YTHDC2: variants seen among roughly 807,000 people sequenced by gnomAD.
YTHDC2 encodes YTH N6-methyladenosine RNA binding protein C2, also known as 3'-5' RNA helicase YTHDC2.
In YTHDC2, 45 loss-of-function variants were observed where a neutral mutation model predicts 174.9. That is an observed-to-expected ratio of 0.26 (90% CI 0.20 to 0.33). YTHDC2 has a LOEUF of 0.33. YTHDC2 is among the 10% of genes least tolerant of loss of function. The pLI is 1.00. For synonymous variants in YTHDC2, 657 were observed against 574.5 expected, an observed-to-expected ratio of 1.14 and a Z score of -2.05; for missense variants, 1,650 against 1,723.7, an observed-to-expected ratio of 0.96 and a Z score of 0.76.
intron 17 of YTHDC2, among the ~76,000 whole-genome samples, chr5:113,558,250 T>C (rs1242708239): frequency 6.6e-6 from 1 of 152,200 alleles, no homozygotes; most frequent in Non-Finnish European, 1.5e-5. Flanking sequence ...TTGAGTTTTC[T>C]CTCTTTTTTA....
Position 113,560,084 on chromosome 5 carries a change from C to T in YTHDC2, c.2217-996C>T, listed in dbSNP as rs190230594. On this transcript the variant is annotated intron_variant, in intron 17 of 29. Coordinates refer to ENST00000161863, the MANE Select transcript of YTHDC2 (RefSeq NM_022828.5). The stretch of plus-strand genomic sequence containing the variant: ...GTCCTTCTCCACCACAGCAATGCTC[C>T]TGCTCATTCCTTTCATCAAACAAGG... Among the ~76,000 whole-genome samples the T allele has an allele frequency of 2.9e-3, 448 of 152,324 alleles. 1 individual carries two copies. The highest frequency in any genetic ancestry group is 3.4e-3 in the Non-Finnish European group (233 of 68,026).
intron 4 of YTHDC2, among the ~76,000 whole-genome samples, chr5:113,531,211 T>G (rs4415069): frequency 0.59 from 89,617 of 152,010 alleles, 27,790 homozygotes; most frequent in African/African-American, 0.79. Flanking sequence ...TTCTGTATGC[T>G]GGGTTCTGAC....
chr5:113,582,317 T>A (rs776666658), intron 25 of YTHDC2: 1 of 152,244 alleles, frequency 6.6e-6, no homozygotes, highest in African/African-American at 2.4e-5. Flanking sequence ...ATTTCTGTTA[T>A]AATTTAGCCA....
chr5:113,532,704 A>G (rs143854484), intron 4 of YTHDC2, among the ~76,000 whole-genome samples, 175 bp from the exon 5 acceptor site: 117 of 152,340 alleles, frequency 7.7e-4, no homozygotes, highest in African/African-American at 2.6e-3. Flanking sequence ...TGTGAGCAAG[A>G]TCTTTTCAAA....
intron 23 of YTHDC2, among the ~76,000 whole-genome samples, chr5:113,570,131 C>T (rs756715382): frequency 6.6e-6 from 1 of 152,016 alleles, no homozygotes; most frequent in Non-Finnish European, 1.5e-5. Context: ...GAGTCTTGCT[C>T]TGTCACCCAG....
chr5:113,528,523 A>G (rs1561630956), intron 4 of YTHDC2, among the ~76,000 whole-genome samples: 1 of 147,432 alleles, frequency 6.8e-6, no homozygotes, highest in Non-Finnish European at 1.5e-5. Flanking sequence ...AAGGTGGAAG[A>G]TTTTTTTTTT....
intron 23 of YTHDC2, among the ~76,000 whole-genome samples, chr5:113,569,585 A>G (rs763552821): frequency 1.2e-4 from 18 of 152,292 alleles, no homozygotes; most frequent in Non-Finnish European, 2.1e-4. Flanking sequence ...TTTCAGCACC[A>G]TTTGTTAAAT....
At chr5:113,517,461 C>A in intron 2 of YTHDC2, 1 of 434,356 alleles carries the variant, frequency 2.3e-6, no homozygotes, top group South Asian at 1.7e-5. Flanking sequence ...TCTTCAGTAG[C>A]ATAGTCATGT....
chr5:113,550,743 C>G (rs1776201219), intron 12 of YTHDC2, among the ~76,000 whole-genome samples: 1 of 151,878 alleles, frequency 6.6e-6, no homozygotes, highest in South Asian at 2.1e-4. Flanking sequence ...TCTATAAAAC[C>G]ATTTACCACC....
chr5:113,583,505 G>A (rs930308660), intron 25 of YTHDC2: 2 of 151,114 alleles, frequency 1.3e-5, no homozygotes, highest in African/African-American at 2.4e-5. Flanking sequence ...TTTTATTTTT[G>A]AGACAGTCTC....
Position 113,535,750 on chromosome 5 carries a change from G to C in YTHDC2, c.1054G>C (p.Asp352His), listed in dbSNP as rs1454414200. 6.2e-7 allele frequency: 1 copy of C among 1,613,268 alleles called. No homozygotes were observed. The highest frequency in any genetic ancestry group is 8.5e-7 in the Non-Finnish European group (1 of 1,179,714). Residue 352 changes from aspartate (D) to histidine (H), a missense_variant, in exon 7 of 30, where the codon GAT becomes CAT. Around this residue, in one of 5 missense-constraint regions of YTHDC2, gnomAD observed 411 missense variants for 380.6 expected, o/e 1.08. Transcript: ENST00000161863. ...ACTAATTCTTTCTAGTGCTGCCTTG[G>C]ATGTAAATCTCTTTATAAGATATTT... ...LKLILSSAAL[D>H]VNLFIRYFGS... is the part of the protein sequence containing the mutation.
intron 21 of YTHDC2, 46 bp from the exon 22 acceptor site, chr5:113,567,046 A>G (rs773225169): frequency 1.5e-5 from 24 of 1,557,912 alleles, no homozygotes; most frequent in Middle Eastern, 1.7e-4. Context: ...ACACAAAAGT[A>G]TCTTTTGCAC....
chr5:113,564,364 G>T (rs1777199409), intron 20 of YTHDC2, among the ~76,000 whole-genome samples: 1 of 151,822 alleles, frequency 6.6e-6, no homozygotes, highest in Non-Finnish European at 1.5e-5. Context: ...GTGTGTATTT[G>T]TATATATATT....
intron 5 of YTHDC2, 40 bp downstream of exon 5, chr5:113,533,085 T>TA (rs1561636914): frequency 2.5e-6 from 4 of 1,599,514 alleles, no homozygotes; most frequent in Middle Eastern, 1.7e-4. Flanking sequence ...TTATCATGCT[T>TA]AAAAAAGACT....
At chr5:113,568,600 C>A (rs1777510432) in intron 23 of YTHDC2, among the ~76,000 whole-genome samples, 1 of 152,172 alleles carries the variant, frequency 6.6e-6, no homozygotes, top group African/African-American at 2.4e-5. Flanking sequence ...ATTCAGCTCC[C>A]ACTTATAAGT....
chr5:113,553,413 A>G (rs1776397062), intron 13 of YTHDC2, 54 bp downstream of exon 13: 14 of 1,511,408 alleles, frequency 9.3e-6, no homozygotes, highest in Non-Finnish European at 1.2e-5. Context: ...TTAAGAATTA[A>G]TATTTTAAGT....
intron 9 of YTHDC2, among the ~76,000 whole-genome samples, chr5:113,541,433 C>T (rs1775458862): frequency 6.6e-6 from 1 of 152,026 alleles, no homozygotes; most frequent in African/African-American, 2.4e-5. Context: ...TCTCGTGATC[C>T]ACCCGCCTCG....
chr5:113,578,595 A>G (rs1380886568), intron 23 of YTHDC2, among the ~76,000 whole-genome samples: 1 of 152,006 alleles, frequency 6.6e-6, no homozygotes, highest in Non-Finnish European at 1.5e-5. Context: ...TTTATTTAAA[A>G]CTTATATTTA....
At chr5:113,532,819 C>G (rs958707274) in intron 4 of YTHDC2, 60 bp from the exon 5 acceptor site, 7 of 1,475,068 alleles carry the variant, frequency 4.7e-6, no homozygotes, top group Non-Finnish European at 6.4e-6. Context: ...AGTTGATTCA[C>G]TTAGATTTTT....
Sources: allele counts gnomAD v4.1 joint callset (sites outside exome capture counted in the v4.1 genomes callset), GRCh38; gene constraint gnomAD v4.1.1; regional missense constraint gnomAD v4.1.1; transcripts MANE v1.5; gene names NCBI Gene and HGNC (gene_info 2026-07-23, HGNC 2026-07-21).